The following OPCML variants were observed in gnomAD, a reference collection of about 807,000 sequenced individuals.
OPCML encodes opioid-binding protein/cell adhesion molecule.
OPCML carries 13 observed loss-of-function variants against 37.8 expected under a neutral mutation model. That is an observed-to-expected ratio of 0.34 (90% confidence interval 0.22 to 0.55). The LOEUF (loss-of-function observed/expected upper bound fraction) is 0.55, where lower values mean the gene tolerates loss of function less well. Among genes scored for constraint, OPCML ranks in the 20% least tolerant of loss-of-function variants. OPCML has a pLI of 0.91. For synonymous variants in OPCML, 176 were observed against 168.8 expected, an observed-to-expected ratio of 1.04 and a Z score of -0.33; for missense variants, 341 against 435.6, an observed-to-expected ratio of 0.78 and a Z score of 1.93.
At chr11:132,729,823 G>A (rs1380992401) in intron 2 of OPCML, among the ~76,000 whole-genome samples, 22 of 152,088 alleles carry the variant, frequency 1.4e-4, no homozygotes. Context: ...GAAGAAGCCA[G>A]CCCAGGTACA....
intron 1 of OPCML, among the ~76,000 whole-genome samples, chr11:133,491,760 A>G (rs989683725): frequency 3.3e-5 from 5 of 152,136 alleles, no homozygotes; most frequent in African/African-American, 1.2e-4. Context: ...AGTCGCTTCC[A>G]GCACATCAAG....
intron 4 of OPCML, among the ~76,000 whole-genome samples, chr11:132,499,532 G>T (rs566643767): frequency 3.3e-5 from 5 of 152,304 alleles, no homozygotes; most frequent in Admixed American, 3.3e-4. Context: ...ACATAGATGG[G>T]AAAAGCATGG....
chr11:132,520,810 C>T (rs1209396509), intron 4 of OPCML, among the ~76,000 whole-genome samples: 2 of 151,906 alleles, frequency 1.3e-5, no homozygotes, highest in Non-Finnish European at 2.9e-5. Context: ...CAAGTCTTTG[C>T]TATTGTAAAT....
chr11:133,180,615 T>TGGA (rs1160453367), intron 1 of OPCML, among the ~76,000 whole-genome samples: 1 of 151,934 alleles, frequency 6.6e-6, no homozygotes, highest in Non-Finnish European at 1.5e-5. Context: ...CGGAGAAAGA[T>TGGA]GGAGTTCAGG....
chr11:132,536,985 A>C (rs2096342470), intron 3 of OPCML, among the ~76,000 whole-genome samples: 1 of 152,144 alleles, frequency 6.6e-6, no homozygotes, highest in Non-Finnish European at 1.5e-5. Context: ...TTTAGAATGG[A>C]GGCATTGGAT....
At chr11:132,922,915 T>G (rs1422690902) in intron 2 of OPCML, among the ~76,000 whole-genome samples, 1 of 151,518 alleles carries the variant, frequency 6.6e-6, no homozygotes, top group African/African-American at 2.4e-5. Context: ...CACGTTTTTG[T>G]TTTTTGTTTT....
chr11:133,008,973 T>C (rs1947164058), intron 1 of OPCML: 6 of 985,436 alleles, frequency 6.1e-6, no homozygotes, highest in Non-Finnish European at 7.2e-6. Context: ...CTGAGGAGAT[T>C]AGCATGGACA....
At chr11:132,593,522 G>A (rs1034731360) in intron 3 of OPCML, among the ~76,000 whole-genome samples, 2 of 152,146 alleles carry the variant, frequency 1.3e-5, no homozygotes, top group African/African-American at 4.8e-5. Context: ...GAAGAGATCT[G>A]CTTTCAATGT....
rs142639709 is a variant in OPCML at position 132,501,230 on chromosome 11, C to G, written c.505+27831G>C. On this transcript the variant is annotated intron_variant, in intron 4 of 7. Coordinates refer to ENST00000524381, the MANE Select transcript of OPCML (RefSeq NM_001012393.5). ...CTTACACCTTATACAAAAATTAACC[C>G]AAGATGGATCAAAGACTTAAATGTA... is the stretch of plus-strand genomic sequence containing the variant. Among the ~76,000 whole-genome samples, 610 of 152,194 alleles carry G rather than the reference C, an allele frequency of 4.0e-3. 8 individuals are homozygous for G. Among genetic ancestry groups the G allele is most frequent in the African/African-American group, 0.014 (586 of 41,534 alleles).
chr11:133,384,019 G>A (rs1443991709), intron 1 of OPCML, among the ~76,000 whole-genome samples: 1 of 152,024 alleles, frequency 6.6e-6, no homozygotes, highest in Non-Finnish European at 1.5e-5. Flanking sequence ...CTTCCATCCT[G>A]CTGATCTGTT....
chr11:133,422,882 G>A (rs1362277659), intron 1 of OPCML: 5 of 960,084 alleles, frequency 5.2e-6, no homozygotes, highest in Non-Finnish European at 6.2e-6. Context: ...CTGAGGCTTA[G>A]GATGAAGAAT....
chr11:132,661,128 T>G (rs768902864), intron 2 of OPCML, among the ~76,000 whole-genome samples: 3 of 152,118 alleles, frequency 2.0e-5, no homozygotes, highest in Non-Finnish European at 4.4e-5. Context: ...CACACAGCCC[T>G]TGGAAAGCCT....
intron 3 of OPCML, among the ~76,000 whole-genome samples, chr11:132,618,767 C>T (rs139785938): frequency 2.2e-4 from 33 of 152,258 alleles, no homozygotes; most frequent in African/African-American, 5.8e-4. Context: ...AGCATCACCA[C>T]TCTATGTCTC....
At chr11:132,577,159 T>C (rs1053318332) in intron 3 of OPCML, among the ~76,000 whole-genome samples, 3 of 152,126 alleles carry the variant, frequency 2.0e-5, no homozygotes, top group Admixed American at 1.3e-4. Flanking sequence ...ACTTAACTTC[T>C]AGATTTCTCA....
intron 4 of OPCML, among the ~76,000 whole-genome samples, chr11:132,476,838 A>G (rs2096157912): frequency 6.6e-6 from 1 of 152,114 alleles, no homozygotes. Context: ...TTTAAAGTAT[A>G]ATAATAAAAA....
chr11:132,598,828 A>G (rs1250524977), intron 3 of OPCML, among the ~76,000 whole-genome samples: 1 of 152,176 alleles, frequency 6.6e-6, no homozygotes, highest in Non-Finnish European at 1.5e-5. Flanking sequence ...TTTTTTAAAA[A>G]AATTTCTCTG....
intron 1 of OPCML, among the ~76,000 whole-genome samples, chr11:133,059,609 C>T (rs1210914738): frequency 6.6e-6 from 1 of 152,188 alleles, no homozygotes; most frequent in Non-Finnish European, 1.5e-5. Context: ...TATTACATTT[C>T]AAATCTTGAG....
At chr11:133,161,727 C>A (rs1046651715) in intron 1 of OPCML, among the ~76,000 whole-genome samples, 10 of 152,150 alleles carry the variant, frequency 6.6e-5, no homozygotes, top group African/African-American at 2.4e-4. Context: ...TATATATAAT[C>A]TTGAGTGGGA....
intron 1 of OPCML, among the ~76,000 whole-genome samples, chr11:133,468,977 G>A (rs6590708): frequency 0.29 from 43,479 of 152,008 alleles, 7,794 homozygotes; most frequent in African/African-American, 0.51. Context: ...ATAGTCACCC[G>A]GGAACTGAAG....
Sources: gnomAD v4.1 joint callset for allele counts (sites outside exome capture counted in the v4.1 genomes callset) on GRCh38, gnomAD v4.1.1 for gene constraint, MANE v1.5 for transcripts, NCBI Gene and HGNC (gene_info 2026-07-23, HGNC 2026-07-21) for gene names.